EPB41L3: variants seen among roughly 807,000 people sequenced by gnomAD.
EPB41L3 encodes the protein erythrocyte membrane protein band 4.1 like 3, also known as band 4.1-like protein 3.
A neutral mutation model predicts 127.1 loss-of-function variants in EPB41L3; 57 were observed. The observed-to-expected ratio is 0.45, with a 90% CI of 0.36 to 0.56. The LOEUF (loss-of-function observed/expected upper bound fraction) is 0.56. Among genes scored for constraint, EPB41L3 ranks in the 20% least tolerant of loss-of-function variants. EPB41L3 has a pLI of 0.00. For missense variants in EPB41L3, 1,273 were observed against 1,372.2 expected (o/e 0.93, Z 1.14); for synonymous variants, 572 against 549.5 (o/e 1.04, Z -0.57).
At chr18:5,582,042 A>G (rs780093445) in intron 3 of EPB41L3, among the ~76,000 whole-genome samples, 8 of 152,226 alleles carry the variant, frequency 5.3e-5, no homozygotes, top group Non-Finnish European at 1.0e-4. Context: ...GTTTCACACA[A>G]AAGGATGAAA....
rs184450755 is a variant in EPB41L3 at position 5,443,757 on chromosome 18, T to G, written c.529+81A>C. On this transcript the variant is annotated intron_variant, in intron 5 of 22. Coordinates refer to ENST00000341928, the MANE Select transcript of EPB41L3 (RefSeq NM_012307.5). ...AAAAGCTTGTATTCACACTAGCCAC[T>G]TAGGTATGGGCTACCAATTCAGACA... 12 of 1,108,234 alleles carry G rather than the reference T, an allele frequency of 1.1e-5. No individual in the cohort carries two copies. In the African/African-American group the frequency reaches 1.9e-4, roughly 17 times the overall value. The allele number at this position is 1,108,234 out of a possible 1,614,324, so 68.7% of individuals were successfully genotyped here.
At chr18:5,628,661 G>A (rs914514071) in intron 1 of EPB41L3, among the ~76,000 whole-genome samples, 100 of 152,358 alleles carry the variant, frequency 6.6e-4, no homozygotes, top group Non-Finnish European at 1.2e-3. Context: ...AGCCCAGGCG[G>A]CGGCTTCACT....
intron 2 of EPB41L3, among the ~76,000 whole-genome samples, chr18:5,613,406 C>T (rs1024292907): frequency 5.3e-5 from 8 of 152,150 alleles, no homozygotes; most frequent in African/African-American, 1.4e-4. Flanking sequence ...TCTCAGGAGA[C>T]GAGGAATGTC....
At chr18:5,595,032 T>C (rs551919381) in intron 3 of EPB41L3, among the ~76,000 whole-genome samples, 1 of 152,188 alleles carries the variant, frequency 6.6e-6, no homozygotes, top group African/African-American at 2.4e-5. Context: ...ATGCAATGTA[T>C]TCATTGTTAG....
chr18:5,550,398 GTT>G (rs1345557426), intron 3 of EPB41L3, among the ~76,000 whole-genome samples: 1 of 152,082 alleles, frequency 6.6e-6, no homozygotes, highest in Non-Finnish European at 1.5e-5. Context: ...AAATTAGTGT[GTT>G]GTTAATTTTA....
At chr18:5,573,421 T>A (rs2094304091) in intron 3 of EPB41L3, among the ~76,000 whole-genome samples, 1 of 152,168 alleles carries the variant, frequency 6.6e-6, no homozygotes, top group Non-Finnish European at 1.5e-5. Flanking sequence ...ATACCTCCAA[T>A]AAATAGGACT....
chr18:5,424,164 T>A (rs756722131), intron 10 of EPB41L3, 98 bp downstream of exon 10: 3 of 821,756 alleles, frequency 3.7e-6, no homozygotes, highest in Non-Finnish European at 5.4e-6. Flanking sequence ...CTTGAAGGGA[T>A]AGAAAGAATA....
At position 5,579,431 on chromosome 18, in the gene EPB41L3, C is replaced by T. The variant is rs189760047; in HGVS notation, c.-306+32909G>A. ...AGTAAAGAGGAAACACCGATGAATA[C>T]ATATCATTAACCAAAGATTATTAGT... On this transcript the variant is annotated intron_variant, in intron 3 of 21. Transcript: ENST00000545076. 3.2e-3 allele frequency among the ~76,000 whole-genome samples: 490 copies of T among 152,300 alleles called. 3 individuals carry two copies. The highest frequency in any genetic ancestry group is 0.011 in the African/African-American group (451 of 41,560).
intron 3 of EPB41L3, among the ~76,000 whole-genome samples, chr18:5,553,734 C>T (rs2093996456): frequency 6.6e-6 from 1 of 152,232 alleles, no homozygotes; most frequent in African/African-American, 2.4e-5. Context: ...ATCACCATCT[C>T]CTGTCTGGGT....
intron 2 of EPB41L3, chr18:5,488,757 A>G: frequency 2.2e-6 from 1 of 453,530 alleles, no homozygotes; most frequent in South Asian, 4.6e-5. Context: ...TAGGACCAAT[A>G]ATCTCCAGTC....
At chr18:5,561,070 C>CGG (rs2094124593) in intron 3 of EPB41L3, among the ~76,000 whole-genome samples, 1 of 147,440 alleles carries the variant, frequency 6.8e-6, no homozygotes, top group Non-Finnish European at 1.5e-5. Context: ...CTCCGCCTCC[C>CGG]AGGTTCACGC....
chr18:5,523,404 T>C (rs1454204298), intron 1 of EPB41L3, among the ~76,000 whole-genome samples: 2 of 152,240 alleles, frequency 1.3e-5, no homozygotes, highest in South Asian at 4.1e-4. Flanking sequence ...GAAACATTAA[T>C]ACTATAAATC....
intron 3 of EPB41L3, among the ~76,000 whole-genome samples, chr18:5,582,190 G>T (rs1466412121): frequency 6.6e-6 from 1 of 151,530 alleles, no homozygotes; most frequent in East Asian, 2.1e-4. Context: ...GAATCTCAAG[G>T]CAGTGGGGCT....
Position 5,608,849 on chromosome 18 carries a change from C to G in EPB41L3, c.-306+3491G>C, listed in dbSNP as rs561198496. Among the ~76,000 whole-genome samples the G allele has an allele frequency of 9.2e-5, 14 of 152,252 alleles. No homozygotes were observed. The South Asian group carries it at 1.5e-3, about 16-fold the overall frequency. On this transcript the variant is annotated intron_variant, in intron 3 of 21. Transcript: ENST00000545076. ...TCATAACATAACTCAATAAGCAAAA[C>G]AGCTGATTAGGTGATAATTGTGTCG... is the stretch of plus-strand genomic sequence containing the variant.
intron 3 of EPB41L3, chr18:5,577,493 T>C (rs1210558956): frequency 3.0e-6 from 1 of 328,702 alleles, no homozygotes; most frequent in African/African-American, 2.2e-5. Flanking sequence ...GTAAAAGCAA[T>C]TGCTTTCTAT....
In EPB41L3 at chr18:5,397,404, G is replaced by C; in HGVS notation, c.2495C>G (p.Ser832Cys). ...GGTGGGTTCCGTCTCTATTCCACTGGACTCCGTCTTGGTTTCCATTTTCTG... is the reference window on the plus strand; with the variant it reads ...GGTGGGTTCCGTCTCTATTCCACTGCACTCCGTCTTGGTTTCCATTTTCTG... ...WVQKMETKTE[S>C]SGIETEPTVH... Residue 832 changes from serine to cysteine, a missense_variant, in exon 18 of 23, where the codon TCC becomes TGC. By Grantham distance (112) the Ser-to-Cys change is moderately radical. Around this residue, in one of 3 missense-constraint regions of EPB41L3, gnomAD observed 765 missense variants for 782.9 expected, o/e 0.98. Transcript: ENST00000341928. This position sits in a 1 kb window ranked among gnomAD's most constrained non-coding sequence, Gnocchi z 4.1. 6.2e-7 allele frequency: 1 copy of C among 1,611,482 alleles called. No homozygotes were observed. The highest frequency in any genetic ancestry group is 8.5e-7 in the Non-Finnish European group (1 of 1,178,498).
intron 3 of EPB41L3, among the ~76,000 whole-genome samples, chr18:5,607,007 T>C (rs61524398): frequency 7.2e-5 from 11 of 152,098 alleles, no homozygotes; most frequent in Non-Finnish European, 1.3e-4. Flanking sequence ...ATTGCTATCA[T>C]GGTAAACGTG....
intron 9 of EPB41L3, 129 bp downstream of exon 9, chr18:5,428,184 T>C: frequency 9.8e-7 from 1 of 1,017,454 alleles, no homozygotes. Flanking sequence ...TACAATAAAC[T>C]CTCTCAGGCA....
rs557643034 is a variant in EPB41L3, at chr18:5,399,589, C to T, written c.2350-1446G>A. On this transcript the variant is annotated intron_variant, in intron 16 of 22. Transcript: ENST00000341928. ...TATAAACTTCAGCTCAGAATACATT[C>T]GGTAGGTAGAGTTGCAACTTCTTTA... The T allele has an allele frequency of 1.6e-5, 6 of 385,726 alleles. 1 individual carries two copies. The highest frequency in any genetic ancestry group is 1.5e-4 in the South Asian group (1 of 6,872). 23.9% of individuals were successfully genotyped at this position (385,726 alleles called of 1,614,324 possible). A position where few individuals can be genotyped will look rare whatever the true frequency, so the allele number is the denominator to read the frequency against.
Sources: gnomAD v4.1 joint callset for allele counts (sites outside exome capture counted in the v4.1 genomes callset) on GRCh38, gnomAD v4.1.1 for gene constraint, gnomAD v4.1.1 regional missense constraint, Gnocchi (gnomAD v3.1) non-coding constraint, MANE v1.5 for transcripts, NCBI Gene and HGNC (gene_info 2026-07-23, HGNC 2026-07-21) for gene names.